Variants in MTX2 observed in about 807,000 individuals in gnomAD.
MTX2 encodes the protein metaxin 2.
In MTX2, 35 loss-of-function variants were observed where a neutral mutation model predicts 42.3. The ratio of observed to expected loss-of-function variants is 0.83; its 90% confidence interval spans 0.63 to 1.10. The LOEUF (loss-of-function observed/expected upper bound fraction) is 1.10, where lower values mean the gene tolerates loss of function less well. Ranked by LOEUF, MTX2 falls within the 50% of genes least tolerant of loss-of-function variation. The pLI, the probability that MTX2 is intolerant of heterozygous loss-of-function variation, is 0.00. For synonymous variants in MTX2, 119 were observed against 100.9 expected, an observed-to-expected ratio of 1.18 and a Z score of -1.08; for missense variants, 307 against 304.1, an observed-to-expected ratio of 1.01 and a Z score of -0.07.
intron 1 of MTX2, among the ~76,000 whole-genome samples, chr2:176,285,496 A>G (rs1693177916): frequency 6.6e-6 from 1 of 151,496 alleles, no homozygotes; most frequent in Non-Finnish European, 1.5e-5. Context: ...ATCACCTCCA[A>G]AAGAAACTCC....
chr2:176,283,176 C>G (rs1693121546), intron 1 of MTX2, among the ~76,000 whole-genome samples: 1 of 152,070 alleles, frequency 6.6e-6, no homozygotes, highest in African/African-American at 2.4e-5. Context: ...ATGCTTTTTC[C>G]CTACACCACC....
At chr2:176,313,388 CT>C (rs1207416607) in intron 3 of MTX2, among the ~76,000 whole-genome samples, 3,887 of 103,396 alleles carry the variant, frequency 0.038, 76 homozygotes, top group African/African-American at 0.1. Flanking sequence ...TACACTGATT[CT>C]TTTTTTTTTT....
intron 3 of MTX2, among the ~76,000 whole-genome samples, chr2:176,312,606 G>C (rs192960050): frequency 1.3e-5 from 2 of 152,202 alleles, no homozygotes; most frequent in Non-Finnish European, 1.5e-5. Flanking sequence ...TCTCACGCCT[G>C]TAATCCCAGC....
chr2:176,326,781 A>C (rs749192230), intron 4 of MTX2, 44 bp from the exon 5 acceptor site: 1 of 1,201,396 alleles, frequency 8.3e-7, no homozygotes, highest in East Asian at 2.5e-5. Context: ...AAACTTTAAC[A>C]TACTGGAAGT....
chr2:176,323,268 C>T, intron 3 of MTX2, 124 bp from the exon 4 acceptor site: 2 of 759,696 alleles, frequency 2.6e-6, no homozygotes, highest in Middle Eastern at 4.0e-4. Flanking sequence ...TAAATTGGTT[C>T]ATTGTTTTCT....
chr2:176,294,813 T>G (rs1219976245), intron 1 of MTX2, among the ~76,000 whole-genome samples: 1 of 152,194 alleles, frequency 6.6e-6, no homozygotes, highest in Non-Finnish European at 1.5e-5. Flanking sequence ...TCACCAATTT[T>G]AACACAGTAA....
At chr2:176,330,128 G>T (rs912878849) in intron 8 of MTX2, among the ~76,000 whole-genome samples, 1 of 150,878 alleles carries the variant, frequency 6.6e-6, no homozygotes, top group Non-Finnish European at 1.5e-5. Context: ...CCACTAGTGG[G>T]AAAATAACTC....
At chr2:176,270,555 T>G (rs1692783599) in intron 1 of MTX2, 1 of 445,942 alleles carries the variant, frequency 2.2e-6, no homozygotes, top group East Asian at 7.0e-5. Flanking sequence ...CTAGCAGTGT[T>G]TTCAACATGA....
At chr2:176,306,213 C>T (rs1004725233) in intron 3 of MTX2, among the ~76,000 whole-genome samples, 4 of 151,994 alleles carry the variant, frequency 2.6e-5, no homozygotes, top group Admixed American at 6.5e-5. Flanking sequence ...TTTCCAGCTT[C>T]ATCCATGTCC....
intron 1 of MTX2, among the ~76,000 whole-genome samples, chr2:176,294,636 G>C (rs1157842614): frequency 6.6e-6 from 1 of 152,158 alleles, no homozygotes; most frequent in Non-Finnish European, 1.5e-5. Context: ...TAAGAACTCT[G>C]TTACATTACA....
intron 3 of MTX2, among the ~76,000 whole-genome samples, chr2:176,306,110 T>G (rs1038995022): frequency 6.7e-6 from 1 of 149,794 alleles, no homozygotes; most frequent in Non-Finnish European, 1.5e-5. Flanking sequence ...TTCCCTGCCC[T>G]GTGTCGAAGT....
intron 3 of MTX2, among the ~76,000 whole-genome samples, chr2:176,300,530 A>G (rs1683997934): frequency 6.6e-6 from 1 of 152,112 alleles, no homozygotes; most frequent in Admixed American, 6.6e-5. Flanking sequence ...TCAAATGCCC[A>G]CTAGTCTCGT....
chr2:176,320,373 A>G, intron 3 of MTX2, among the ~76,000 whole-genome samples: 1 of 152,344 alleles, frequency 6.6e-6, no homozygotes, highest in East Asian at 1.9e-4. Flanking sequence ...AGCAAAATAT[A>G]CTATATTTAC....
At position 176,281,477 on chromosome 2, in the gene MTX2, A is replaced by G. The variant is rs143231222; in HGVS notation, c.40+11808A>G. Among the ~76,000 whole-genome samples, 294 of 152,186 alleles carry G rather than the reference A, an allele frequency of 1.9e-3. 1 individual carries two copies. The highest frequency in any genetic ancestry group is 6.8e-3 in the African/African-American group (281 of 41,518). On this transcript the variant is annotated intron_variant, in intron 1 of 9. Coordinates refer to ENST00000249442, the MANE Select transcript of MTX2 (RefSeq NM_006554.5). ...TGGCCTGAGGGTAGTCAGACTTTTT[A>G]TGTAGTGACTCAGTGCACCACATAC... is the stretch of plus-strand genomic sequence containing the variant.
chr2:176,297,837 G>A lies in MTX2; in HGVS notation c.89-12G>A. 6.5e-7 allele frequency: 1 copy of A among 1,532,294 alleles called. No homozygotes were observed. The highest frequency in any genetic ancestry group is 8.8e-7 in the Non-Finnish European group (1 of 1,132,034). 94.9% of individuals were successfully genotyped at this position (1,532,294 alleles called of 1,614,324 possible). A position where few individuals can be genotyped will look rare whatever the true frequency, so the allele number is the denominator to read the frequency against. Reference sequence around the variant, plus strand: ...ACTTGGTTAACATTTATGCTTCATTGTATTTCCACAGGGGAGCAAATTTTA... The same window carrying A: ...ACTTGGTTAACATTTATGCTTCATTATATTTCCACAGGGGAGCAAATTTTA... On this transcript the variant is annotated splice_polypyrimidine_tract_variant and intron_variant, in intron 2 of 9. Coordinates refer to ENST00000249442, the MANE Select transcript of MTX2 (RefSeq NM_006554.5).
At chr2:176,278,358 A>C (rs776797044) in intron 1 of MTX2, among the ~76,000 whole-genome samples, 11 of 152,058 alleles carry the variant, frequency 7.2e-5, no homozygotes, top group Non-Finnish European at 1.3e-4. Flanking sequence ...GCCAAAACTA[A>C]ATTCTTAACA....
At chr2:176,321,816 T>C (rs981573971) in intron 3 of MTX2, among the ~76,000 whole-genome samples, 1 of 152,166 alleles carries the variant, frequency 6.6e-6, no homozygotes, top group African/African-American at 2.4e-5. Flanking sequence ...TTTCTACCAC[T>C]GTAGGGAAAG....
intron 3 of MTX2, among the ~76,000 whole-genome samples, chr2:176,318,676 T>G (rs1170073136): frequency 6.6e-6 from 1 of 152,214 alleles, no homozygotes; most frequent in Non-Finnish European, 1.5e-5. Flanking sequence ...TTTTGGACAC[T>G]GTGCTATTAT....
intron 1 of MTX2, among the ~76,000 whole-genome samples, chr2:176,282,468 A>G (rs34407797): frequency 0.06 from 9,078 of 152,036 alleles, 302 homozygotes; most frequent in Non-Finnish European, 0.08. Context: ...ACTCGTCTCC[A>G]TGCCTCCTAC....
Sources: gnomAD v4.1 joint callset for allele counts (sites outside exome capture counted in the v4.1 genomes callset) on GRCh38, gnomAD v4.1.1 for gene constraint, MANE v1.5 for transcripts, NCBI Gene and HGNC (gene_info 2026-07-23, HGNC 2026-07-21) for gene names.